The following ERAP1 variants were observed in gnomAD, a reference collection of about 807,000 sequenced individuals.
ERAP1 encodes the protein adipocyte-derived leucine aminopeptidase.
ERAP1 carries 86 observed loss-of-function variants against 103.7 expected under a neutral mutation model. The ratio of observed to expected loss-of-function variants is 0.83; its 90% CI spans 0.70 to 0.99. The LOEUF (loss-of-function observed/expected upper bound fraction) is 0.99. Among genes scored for constraint, ERAP1 ranks in the 50% least tolerant of loss-of-function variants. The pLI, the probability that ERAP1 is intolerant of heterozygous loss-of-function variation, is 0.00. For missense variants in ERAP1, 1,009 were observed against 1,128.4 expected (o/e 0.89, Z 1.52); for synonymous variants, 398 against 402.4 (o/e 0.99, Z 0.13).
the ERAP1 span, among the ~76,000 whole-genome samples, chr5:96,886,482 A>T: frequency 6.6e-6 from 1 of 151,700 alleles, no homozygotes; most frequent in Non-Finnish European, 1.5e-5. Flanking sequence ...GGGTAAAAGC[A>T]ATGGAGGTAA....
At chr5:96,860,019 C>T in the ERAP1 span, among the ~76,000 whole-genome samples, 2 of 152,042 alleles carry the variant, frequency 1.3e-5, no homozygotes, top group South Asian at 4.2e-4. Context: ...TAAAGTACAG[C>T]CCAAAATACA....
At chr5:96,771,755 A>G, downstream of ERAP1, 2 of 1,144,418 alleles carry the variant, frequency 1.7e-6, no homozygotes, top group African/African-American at 1.5e-5. Flanking sequence ...CTGCCAATTT[A>G]TGTGTTATAG....
Position 96,803,845 on chromosome 5 carries a change from T to C in ERAP1, c.82A>G (p.Thr28Ala), listed in dbSNP as rs766659105. 2.5e-6 allele frequency: 4 copies of C among 1,613,764 alleles called. No homozygotes were observed. In the South Asian group the frequency reaches 4.4e-5, roughly 18 times the overall value. ...SSLLALLTVS[T>A]PSWCQSTEAS... ...TCAGTGCTCTGACACCATGAAGGAGTGGACACAGTTAAGAGAGCCAACAGT... is the reference window on the plus strand; with the variant it reads ...TCAGTGCTCTGACACCATGAAGGAGCGGACACAGTTAAGAGAGCCAACAGT... The change falls in exon 2 of 19, where the codon ACT becomes GCT. Residue 28 changes from threonine (T) to alanine (A), a missense_variant. Around this residue, in one of 3 missense-constraint regions of ERAP1, gnomAD observed 392 missense variants for 455.2 expected, o/e 0.86. Coordinates refer to ENST00000443439, the MANE Select transcript of ERAP1 (RefSeq NM_001040458.3).
At chr5:96,864,615 T>C in the ERAP1 span, among the ~76,000 whole-genome samples, 1 of 152,196 alleles carries the variant, frequency 6.6e-6, no homozygotes, top group East Asian at 1.9e-4. Flanking sequence ...AATAAATTTA[T>C]AATAAATTTA....
At chr5:96,867,788 T>C in the ERAP1 span, among the ~76,000 whole-genome samples, 3 of 152,074 alleles carry the variant, frequency 2.0e-5, no homozygotes, top group Admixed American at 6.5e-5. Flanking sequence ...TAATACTCTA[T>C]GTGGGCTGGG....
chr5:96,924,645 A>G, the ERAP1 span, among the ~76,000 whole-genome samples: 1 of 148,614 alleles, frequency 6.7e-6, no homozygotes, highest in Non-Finnish European at 1.5e-5. Flanking sequence ...CCAGGCTGGG[A>G]GCGATGCAAT....
At chr5:96,839,622 G>A in the ERAP1 span, among the ~76,000 whole-genome samples, 4 of 152,288 alleles carry the variant, frequency 2.6e-5, no homozygotes, top group African/African-American at 7.2e-5. Context: ...ACGGTCCACA[G>A]GGCCCCGCAT....
At chr5:96,901,782 G>C in the ERAP1 span, 5 of 1,201,752 alleles carry the variant, frequency 4.2e-6, no homozygotes, top group Non-Finnish European at 5.7e-6. Flanking sequence ...TAGGATGCTA[G>C]TTCCATATAA....
the ERAP1 span, among the ~76,000 whole-genome samples, chr5:96,853,260 G>T: frequency 6.6e-6 from 1 of 152,154 alleles, no homozygotes; most frequent in African/African-American, 2.4e-5. Context: ...TAATATTGTA[G>T]CCCCTGATCC....
the ERAP1 span, among the ~76,000 whole-genome samples, chr5:96,832,176 C>T: frequency 6.6e-6 from 1 of 152,154 alleles, no homozygotes; most frequent in East Asian, 1.9e-4. Context: ...GAAACAGACT[C>T]ACTATATTAA....
the ERAP1 span, among the ~76,000 whole-genome samples, chr5:96,837,091 A>G: frequency 6.6e-6 from 1 of 152,232 alleles, no homozygotes; most frequent in African/African-American, 2.4e-5. Flanking sequence ...ACTTCTAACT[A>G]TTTAAAAAAG....
chr5:96,810,159 G>A (rs972517946), upstream of ERAP1, among the ~76,000 whole-genome samples: 8 of 152,208 alleles, frequency 5.3e-5, no homozygotes, highest in African/African-American at 1.9e-4. Flanking sequence ...TAGAGTTGAA[G>A]TGCACTACAA....
At position 96,803,596 on chromosome 5, in the gene ERAP1, C is replaced by T. The variant is rs774180332; in HGVS notation, c.331G>A (p.Ala111Thr). 1.2e-6 allele frequency: 2 copies of T among 1,614,198 alleles called. No individual in the cohort carries two copies. The highest frequency in any genetic ancestry group is 1.7e-6 in the Non-Finnish European group (2 of 1,180,032). ...QISRATLRKG[A>T]GERLSEEPLQ... ...GGTTCTTCCGATAGCCTCTCTCCAG[C>T]TCCCTTCCTGAGGGTGGCCCTAGAT... Residue 111 changes from alanine to threonine, a missense_variant, in exon 2 of 19, where the codon GCT (alanine) becomes ACT (threonine). By Grantham distance (58) the Ala-to-Thr change is moderately conservative. Around this residue, in one of 3 missense-constraint regions of ERAP1, gnomAD observed 392 missense variants for 455.2 expected, o/e 0.86. Coordinates refer to ENST00000443439, the MANE Select transcript of ERAP1 (RefSeq NM_001040458.3).
the ERAP1 span, among the ~76,000 whole-genome samples, chr5:96,846,925 G>A: frequency 6.6e-6 from 1 of 151,956 alleles, no homozygotes; most frequent in Non-Finnish European, 1.5e-5. Context: ...ATAAAAGAGT[G>A]TCCAGGAAAA....
At chr5:96,820,041 A>C in the ERAP1 span, among the ~76,000 whole-genome samples, 2 of 152,304 alleles carry the variant, frequency 1.3e-5, no homozygotes, top group East Asian at 3.9e-4. Context: ...CCACATCCCA[A>C]CCCAATTCTG....
At chr5:96,781,282 G>A in intron 16 of ERAP1, 84 bp from the exon 17 acceptor site, 16 of 1,422,090 alleles carry the variant, frequency 1.1e-5, no homozygotes, top group Middle Eastern at 2.1e-4. Flanking sequence ...ACTTGTAAAA[G>A]AAAAAAAAGT....
chr5:96,923,626 A>G, the ERAP1 span, among the ~76,000 whole-genome samples: 2 of 151,522 alleles, frequency 1.3e-5, no homozygotes, highest in African/African-American at 4.8e-5. Context: ...CCCAGGAGGC[A>G]GAGCTTGCAG....
chr5:96,792,999 G>A (rs1187776861), intron 7 of ERAP1, among the ~76,000 whole-genome samples: 1 of 152,066 alleles, frequency 6.6e-6, no homozygotes. Context: ...AATCAAATGT[G>A]CAGTTACCTT....
the ERAP1 span, chr5:96,917,505 T>C: frequency 6.2e-7 from 1 of 1,613,828 alleles, no homozygotes; most frequent in East Asian, 2.2e-5. Context: ...GGATCACATC[T>C]GGATATTTTT....
Sources: gnomAD v4.1 joint callset for allele counts (sites outside exome capture counted in the v4.1 genomes callset) on GRCh38, gnomAD v4.1.1 for gene constraint, gnomAD v4.1.1 regional missense constraint, MANE v1.5 for transcripts, NCBI Gene and HGNC (gene_info 2026-07-23, HGNC 2026-07-21) for gene names.